The following POU6F2 variants were observed in gnomAD, a reference collection of about 807,000 sequenced individuals.
POU6F2 encodes the protein POU domain, class 6, transcription factor 2.
Under a neutral mutation model 71.3 loss-of-function variants are expected in POU6F2, and 31 were observed. The ratio of observed to expected loss-of-function variants is 0.43; its 90% CI spans 0.33 to 0.59. The LOEUF (loss-of-function observed/expected upper bound fraction) is 0.59. Among genes scored for constraint, POU6F2 ranks in the 20% least tolerant of loss-of-function variants. The probability of loss-of-function intolerance (pLI) is 0.04; values close to 1 mark genes in which losing one functional copy is unlikely to be tolerated. For missense variants in POU6F2, 783 were observed against 856.8 expected, an observed-to-expected ratio of 0.91 and a Z score of 1.07; for synonymous variants, 347 against 355.7, an observed-to-expected ratio of 0.98 and a Z score of 0.27.
At chr7:39,230,433 A>G (rs1335218708) in intron 4 of POU6F2, among the ~76,000 whole-genome samples, 1 of 152,050 alleles carries the variant, frequency 6.6e-6, no homozygotes, top group African/African-American at 2.4e-5. Context: ...GCAGTGAGCT[A>G]TGATCACACC....
chr7:39,229,472 G>A (rs1439711185), intron 4 of POU6F2, among the ~76,000 whole-genome samples: 2 of 152,124 alleles, frequency 1.3e-5, no homozygotes, highest in Non-Finnish European at 2.9e-5. Flanking sequence ...TGCTCATCCC[G>A]AGGTTTAATT....
At chr7:39,364,178 G>A (rs11971775) in intron 5 of POU6F2, among the ~76,000 whole-genome samples, 2 of 151,850 alleles carry the variant, frequency 1.3e-5, no homozygotes, top group South Asian at 4.2e-4. Context: ...CCACAGGAAC[G>A]GAACACAGAC....
At chr7:39,027,387 A>G (rs1789834824) in intron 1 of POU6F2, among the ~76,000 whole-genome samples, 1 of 152,162 alleles carries the variant, frequency 6.6e-6, no homozygotes, top group South Asian at 2.1e-4. Context: ...TATAATGCAA[A>G]TTAGGTTGTG....
chr7:39,216,079 G>A (rs563205355), intron 4 of POU6F2, among the ~76,000 whole-genome samples: 86 of 152,266 alleles, frequency 5.6e-4, no homozygotes, highest in Admixed American at 2.0e-3. Flanking sequence ...CCACTCACAC[G>A]CTGTTGGCCA....
intron 2 of POU6F2, among the ~76,000 whole-genome samples, chr7:39,126,324 G>T (rs1403911924): frequency 6.6e-6 from 1 of 152,186 alleles, no homozygotes. Context: ...CACTTGGAGG[G>T]CAGGGAACTT....
chr7:39,163,064 T>G (rs897666114), intron 2 of POU6F2, among the ~76,000 whole-genome samples: 3 of 152,218 alleles, frequency 2.0e-5, no homozygotes, highest in Non-Finnish European at 2.9e-5. Flanking sequence ...CAGTATGAAT[T>G]TAACCCCTTT....
chr7:39,135,554 T>C (rs1792373194), intron 2 of POU6F2, among the ~76,000 whole-genome samples: 1 of 152,126 alleles, frequency 6.6e-6, no homozygotes, highest in Non-Finnish European at 1.5e-5. Flanking sequence ...ATAAGCCTAC[T>C]AATTTAAAAA....
intron 5 of POU6F2, among the ~76,000 whole-genome samples, chr7:39,348,876 A>C (rs1056022192): frequency 5.3e-5 from 8 of 152,258 alleles, no homozygotes; most frequent in Non-Finnish European, 8.8e-5. Context: ...CTGAAGGCTA[A>C]AAGACATCCT....
chr7:39,417,093 T>C (rs1787698664), intron 6 of POU6F2, among the ~76,000 whole-genome samples: 2 of 152,234 alleles, frequency 1.3e-5, no homozygotes, highest in African/African-American at 4.8e-5. Flanking sequence ...TGATTTAGCG[T>C]CCTAGAACAA....
At chr7:39,192,545 T>G (rs1562740567) in intron 2 of POU6F2, among the ~76,000 whole-genome samples, 1 of 152,200 alleles carries the variant, frequency 6.6e-6, no homozygotes, top group Non-Finnish European at 1.5e-5. Flanking sequence ...TTGGGCTACA[T>G]TTGGCACCAG....
At chr7:38,991,496 G>C (rs74778348) in intron 1 of POU6F2, among the ~76,000 whole-genome samples, 2,350 of 152,186 alleles carry the variant, frequency 0.015, 33 homozygotes, top group East Asian at 0.089. Flanking sequence ...TTCCTACTGG[G>C]AGTGGGACAA....
chr7:39,234,345 T>C (rs1399784861), intron 4 of POU6F2, among the ~76,000 whole-genome samples: 3 of 152,096 alleles, frequency 2.0e-5, no homozygotes, highest in Admixed American at 2.0e-4. Context: ...AGTCCCCTAC[T>C]CTCCCCAACC....
intron 1 of POU6F2, among the ~76,000 whole-genome samples, chr7:39,017,065 T>G (rs1451853706): frequency 6.6e-6 from 1 of 152,142 alleles, no homozygotes; most frequent in Non-Finnish European, 1.5e-5. Flanking sequence ...ACAACTTCTA[T>G]TTTATCATGT....
chr7:39,178,525 T>C (rs1352514807), intron 2 of POU6F2, among the ~76,000 whole-genome samples: 1 of 152,182 alleles, frequency 6.6e-6, no homozygotes, highest in Non-Finnish European at 1.5e-5. Flanking sequence ...GCAGAAACTC[T>C]CTCAATTGGG....
intron 2 of POU6F2, among the ~76,000 whole-genome samples, chr7:39,200,674 AG>A (rs1793879519): frequency 6.6e-6 from 1 of 152,150 alleles, no homozygotes; most frequent in African/African-American, 2.4e-5. Flanking sequence ...GACTTGGGGC[AG>A]GTCACTATTA....
At chr7:39,281,403 CCTAT>C (rs1449632649) in intron 4 of POU6F2, among the ~76,000 whole-genome samples, 1 of 152,144 alleles carries the variant, frequency 6.6e-6, no homozygotes, top group African/African-American at 2.4e-5. Flanking sequence ...ACTTACTCCT[CCTAT>C]CTAACTGTAA....
chr7:39,179,066 C>A (rs1047238734), intron 2 of POU6F2, among the ~76,000 whole-genome samples: 1 of 152,104 alleles, frequency 6.6e-6, no homozygotes, highest in Non-Finnish European at 1.5e-5. Flanking sequence ...CCTCCAGATA[C>A]CTGGAGTTTA....
intron 4 of POU6F2, among the ~76,000 whole-genome samples, chr7:39,222,692 A>C: frequency 6.6e-6 from 1 of 152,206 alleles, no homozygotes; most frequent in African/African-American, 2.4e-5. Context: ...TGTTTTGCTT[A>C]GCATAATGTT....
At chr7:39,288,257 T>C (rs1207205275) in intron 4 of POU6F2, among the ~76,000 whole-genome samples, 1 of 152,196 alleles carries the variant, frequency 6.6e-6, no homozygotes, top group Non-Finnish European at 1.5e-5. Flanking sequence ...AAGACCACCA[T>C]CTTTGCAATA....
Sources: gnomAD v4.1 joint callset for allele counts (sites outside exome capture counted in the v4.1 genomes callset) on GRCh38, gnomAD v4.1.1 for gene constraint, MANE v1.5 for transcripts, NCBI Gene and HGNC (gene_info 2026-07-23, HGNC 2026-07-21) for gene names.